ANKRD12: variants seen among roughly 807,000 people sequenced by gnomAD.
ANKRD12 encodes ankyrin repeat domain 12, also known as ankyrin repeat domain-containing protein 12.
ANKRD12 carries 85 observed loss-of-function variants against 183.4 expected under a neutral mutation model. The observed-to-expected ratio is 0.46, with a 90% CI of 0.39 to 0.56. The LOEUF is 0.56. Among genes scored for constraint, ANKRD12 ranks in the 20% least tolerant of loss-of-function variants. The pLI is 0.00. For missense variants in ANKRD12, 2,405 were observed against 2,357.1 expected (o/e 1.02, Z -0.42); for synonymous variants, 914 against 800.2 (o/e 1.14, Z -2.40).
At chr18:9,263,206 A>G (rs138451346) in intron 9 of ANKRD12, among the ~76,000 whole-genome samples, 2 of 152,300 alleles carry the variant, frequency 1.3e-5, no homozygotes, top group African/African-American at 4.8e-5. Flanking sequence ...GTAATTTGAT[A>G]TTACACTACA....
intron 9 of ANKRD12, among the ~76,000 whole-genome samples, chr18:9,260,552 C>T (rs1432813962): frequency 6.6e-6 from 1 of 152,172 alleles, no homozygotes; most frequent in South Asian, 2.1e-4. Flanking sequence ...CTAGTCTCTA[C>T]TGTGGCCACT....
intron 1 of ANKRD12, among the ~76,000 whole-genome samples, chr18:9,157,603 A>ATATATATATATGTTTT (rs1356730824): frequency 1.2e-5 from 1 of 84,642 alleles, no homozygotes; most frequent in African/African-American, 4.4e-5. Flanking sequence ...ATATATATGT[A>ATATATATATATGTTTT]TTTTTTTTTT....
chr18:9,274,604 G>A (rs1352381203), intron 10 of ANKRD12, among the ~76,000 whole-genome samples: 1 of 152,194 alleles, frequency 6.6e-6, no homozygotes, highest in Non-Finnish European at 1.5e-5. Context: ...TTTTTGGAGT[G>A]ATGGAAATGT....
chr18:9,198,448 C>T (rs1287423869), intron 3 of ANKRD12, among the ~76,000 whole-genome samples: 2 of 152,098 alleles, frequency 1.3e-5, no homozygotes, highest in Non-Finnish European at 2.9e-5. Context: ...TTTAGTGGGT[C>T]TAAATTATAG....
chr18:9,162,092 A>G (rs986510284), intron 1 of ANKRD12, among the ~76,000 whole-genome samples: 13 of 152,110 alleles, frequency 8.5e-5, no homozygotes, highest in Non-Finnish European at 1.8e-4. Context: ...TTTGTTACCT[A>G]GGTAAACATA....
At chr18:9,260,695 C>T (rs1189387182) in intron 9 of ANKRD12, among the ~76,000 whole-genome samples, 2 of 152,134 alleles carry the variant, frequency 1.3e-5, no homozygotes, top group African/African-American at 4.8e-5. Context: ...AGAAAATCTC[C>T]AAGCATGATT....
chr18:9,172,892 GTTTTTTGT>G (rs2032879715), intron 1 of ANKRD12, among the ~76,000 whole-genome samples: 3 of 150,270 alleles, frequency 2.0e-5, no homozygotes, highest in South Asian at 2.1e-4. Context: ...TTTTTTTTTT[GTTTTTTGT>G]TTTTTTGTTT....
At position 9,148,311 on chromosome 18, in the gene ANKRD12, A is replaced by AAT. The variant is rs758322037; in HGVS notation, c.-52+11358_-52+11359dup. Among the ~76,000 whole-genome samples the AAT allele has an allele frequency of 2.5e-3, 382 of 150,972 alleles. 3 individuals are homozygous for AAT. The highest frequency in any genetic ancestry group is 4.2e-3 in the Non-Finnish European group (280 of 67,440). On this transcript the variant is annotated intron_variant, in intron 1 of 12. Transcript: ENST00000262126. ...CTTAACAATTCTGGAGGGAGGGAAA[A>AAT]ATATATATATATACACACACACGTA...
intron 11 of ANKRD12, among the ~76,000 whole-genome samples, chr18:9,277,622 C>G (rs1027692381): frequency 6.6e-6 from 1 of 151,424 alleles, no homozygotes; most frequent in Admixed American, 6.6e-5. Flanking sequence ...CCACCGCGCC[C>G]GGCCGACACC....
chr18:9,246,427 G>A (rs1024540325), intron 8 of ANKRD12, among the ~76,000 whole-genome samples: 1 of 151,830 alleles, frequency 6.6e-6, no homozygotes, highest in Non-Finnish European at 1.5e-5. Context: ...TTGCCCTCAC[G>A]CCTCCCTGCA....
intron 1 of ANKRD12, among the ~76,000 whole-genome samples, chr18:9,152,205 C>G (rs1034458656): frequency 1.3e-5 from 2 of 152,112 alleles, no homozygotes; most frequent in Admixed American, 6.5e-5. Context: ...AAATAAAACA[C>G]TTAAAGAAAG....
intron 1 of ANKRD12, among the ~76,000 whole-genome samples, chr18:9,167,007 G>T (rs2032142219): frequency 6.6e-6 from 1 of 152,148 alleles, no homozygotes. Context: ...TCTCAGGTTT[G>T]TCAAAGATCA....
intron 10 of ANKRD12, among the ~76,000 whole-genome samples, chr18:9,272,285 G>A (rs2039641350): frequency 6.6e-6 from 1 of 152,094 alleles, no homozygotes; most frequent in South Asian, 2.1e-4. Context: ...TTTCTTGGCC[G>A]GGCATGGTGG....
At chr18:9,172,898 T>C (rs866471471) in intron 1 of ANKRD12, among the ~76,000 whole-genome samples, 1 of 151,778 alleles carries the variant, frequency 6.6e-6, no homozygotes, top group Non-Finnish European at 1.5e-5. Context: ...TTTTGTTTTT[T>C]GTTTTTTTGT....
intron 1 of ANKRD12, among the ~76,000 whole-genome samples, chr18:9,154,929 TC>T (rs1171810614): frequency 6.6e-6 from 1 of 152,182 alleles, no homozygotes; most frequent in African/African-American, 2.4e-5. Context: ...CATACACAAA[TC>T]TGGAGTTTTA....
intron 8 of ANKRD12, among the ~76,000 whole-genome samples, chr18:9,229,941 G>A (rs1306156107): frequency 2.6e-5 from 4 of 152,004 alleles, no homozygotes; most frequent in Admixed American, 6.5e-5. Flanking sequence ...TTTTTGTTGT[G>A]TCCTTCTCTG....
chr18:9,209,461 A>G (rs187840119), intron 5 of ANKRD12, among the ~76,000 whole-genome samples: 1 of 152,212 alleles, frequency 6.6e-6, no homozygotes, highest in African/African-American at 2.4e-5. Context: ...GTTACGTAAC[A>G]GTCCATGTTG....
At chr18:9,156,686 T>G (rs1173228349) in intron 1 of ANKRD12, among the ~76,000 whole-genome samples, 1 of 152,216 alleles carries the variant, frequency 6.6e-6, no homozygotes, top group Non-Finnish European at 1.5e-5. Context: ...TATAGCAGCA[T>G]TATTCACAAT....
intron 1 of ANKRD12, among the ~76,000 whole-genome samples, chr18:9,167,282 C>A (rs1047033351): frequency 1.3e-5 from 2 of 152,152 alleles, no homozygotes; most frequent in African/African-American, 4.8e-5. Flanking sequence ...ATGGGGATGG[C>A]ATTGAATCTA....
Sources: gnomAD v4.1 joint callset for allele counts (sites outside exome capture counted in the v4.1 genomes callset) on GRCh38, gnomAD v4.1.1 for gene constraint, MANE v1.5 for transcripts, NCBI Gene and HGNC (gene_info 2026-07-23, HGNC 2026-07-21) for gene names.